UPK3BL2: variants seen among roughly 807,000 people sequenced by gnomAD.
UPK3BL2 encodes uroplakin 3B like 2, also known as uroplakin-3b-like protein 2.
Under a neutral mutation model 11.3 loss-of-function variants are expected in UPK3BL2, and 1 was observed. That is an observed-to-expected ratio of 0.09 (90% confidence interval 0.03 to 0.42). The LOEUF is 0.42. Ranked by LOEUF, UPK3BL2 falls within the 10% of genes least tolerant of loss-of-function variation. The probability of loss-of-function intolerance (pLI) is 0.98; values close to 1 mark genes in which losing one functional copy is unlikely to be tolerated.
intron 3 of UPK3BL2, among the ~76,000 whole-genome samples, chr7:102,540,855 CAAAAAAAAAA>C (rs1158192702): frequency 2.1e-3 from 129 of 61,290 alleles, no homozygotes; most frequent in Middle Eastern, 0.011. Context: ...AAAAACAAAA[CAAAAAAAAAA>C]AAAAAAAAAA....
chr7:102,540,877 G>T (rs4729824), intron 3 of UPK3BL2, among the ~76,000 whole-genome samples: 4 of 68,354 alleles, frequency 5.9e-5, no homozygotes, highest in South Asian at 5.6e-4. Flanking sequence ...AAAAAAAAAA[G>T]AAGAAAAGGA....
chr7:102,540,845 A>AAAAAT (rs1800221923), intron 3 of UPK3BL2, among the ~76,000 whole-genome samples: 1 of 127,320 alleles, frequency 7.9e-6, no homozygotes. Flanking sequence ...CTCCATCTCA[A>AAAAAT]AAAACAAAAC....
At chr7:102,538,577 G>C (rs1800156083) in intron 5 of UPK3BL2, 52 bp from the exon 6 acceptor site, 2 of 136,432 alleles carry the variant, frequency 1.5e-5, no homozygotes, top group African/African-American at 1.2e-4. Flanking sequence ...GAAAGGCTCT[G>C]GCCGAGATCC....
At chr7:102,540,855 CAAAA>C (rs1158192702) in intron 3 of UPK3BL2, among the ~76,000 whole-genome samples, 89 of 61,196 alleles carry the variant, frequency 1.5e-3, no homozygotes, top group South Asian at 9.2e-3. Context: ...AAAAACAAAA[CAAAA>C]AAAAAAAAAA....
At position 102,540,857 on chromosome 7, in the gene UPK3BL2, AAAAAAAAAAAAAAAAAAAAGAAGAAAAGG is replaced by A. The variant is rs1214109245; in HGVS notation, c.485+207_485+235del. Reference sequence around the variant, plus strand: ...AGACTCCATCTCAAAAAACAAAACAAAAAAAAAAAAAAAAAAAAAGAAGAAAAGGAAAAAAAAAAAAAAGAGAAGAAGGA... The same window carrying A: ...AGACTCCATCTCAAAAAACAAAACAAAAAAAAAAAAAAAAGAGAAGAAGGA... On this transcript the variant is annotated intron_variant, in intron 3 of 5. Transcript: ENST00000644544. 2.5e-3 allele frequency among the ~76,000 whole-genome samples: 234 copies of A among 92,070 alleles called. 2 individuals are homozygous for A. Among genetic ancestry groups the A allele is most frequent in the African/African-American group, 0.01 (204 of 20,294 alleles). The allele number at this position is 92,070 out of a possible 152,430, so 60.4% of individuals were successfully genotyped here.
intron 3 of UPK3BL2, among the ~76,000 whole-genome samples, chr7:102,540,875 A>G (rs867698668): frequency 2.8e-3 from 327 of 117,790 alleles, no homozygotes; most frequent in Middle Eastern, 9.4e-3. Flanking sequence ...AAAAAAAAAA[A>G]AGAAGAAAAG....
At chr7:102,540,880 G>GAAA (rs1434603502) in intron 3 of UPK3BL2, among the ~76,000 whole-genome samples, 24 of 65,848 alleles carry the variant, frequency 3.6e-4, no homozygotes, top group Middle Eastern at 7.9e-3. Context: ...AAAAAAAGAA[G>GAAA]AAAAGGAAAA....
At chr7:102,540,855 C>CAAAAAAAAAAAAAAAAAAAAAA (rs1158192702) in intron 3 of UPK3BL2, among the ~76,000 whole-genome samples, 9 of 61,266 alleles carry the variant, frequency 1.5e-4, no homozygotes, top group East Asian at 4.1e-4. Context: ...AAAAACAAAA[C>CAAAAAAAAAAAAAAAAAAAAAA]AAAAAAAAAA....
chr7:102,540,877 G>GGAAAAA (rs1800237326), intron 3 of UPK3BL2, among the ~76,000 whole-genome samples: 1 of 68,356 alleles, frequency 1.5e-5, no homozygotes, highest in Non-Finnish European at 3.1e-5. Flanking sequence ...AAAAAAAAAA[G>GGAAAAA]AAGAAAAGGA....
chr7:102,540,901 G>GA (rs1800244794), intron 3 of UPK3BL2, among the ~76,000 whole-genome samples, 192 bp downstream of exon 3: 12 of 61,800 alleles, frequency 1.9e-4, no homozygotes, highest in South Asian at 7.2e-4. Context: ...AAAAAAAAAA[G>GA]AGAAGAAGGA....
intron 3 of UPK3BL2, among the ~76,000 whole-genome samples, chr7:102,540,857 AAAAAAAAAAAAAAAAAAAAGAAG>A (rs1259777581): frequency 4.3e-5 from 4 of 92,276 alleles, no homozygotes; most frequent in African/African-American, 2.0e-4. Flanking sequence ...AAACAAAACA[AAAAAAAAAAAAAAAAAAAAGAAG>A]AAAAGGAAAA....
chr7:102,539,959 AC>A (rs1800181816), intron 4 of UPK3BL2, 55 bp downstream of exon 4: 4 of 1,070,706 alleles, frequency 3.7e-6, no homozygotes, highest in Non-Finnish European at 2.6e-6. Context: ...AGTCCTCAGG[AC>A]CCCCAGGCCC....
chr7:102,543,603 C>A, exon 1 of UPK3BL2: 1 of 78,058 alleles, frequency 1.3e-5, no homozygotes, highest in East Asian at 2.6e-4. Context: ...GCAGAGAGCC[C>A]TATGGCCGGG....
At chr7:102,540,783 G>A (rs1163186522) in intron 3 of UPK3BL2, among the ~76,000 whole-genome samples, 1 of 148,824 alleles carries the variant, frequency 6.7e-6, no homozygotes, top group Non-Finnish European at 1.5e-5. Context: ...GGCACAGGTT[G>A]CAGTGAGCCG....
intron 3 of UPK3BL2, among the ~76,000 whole-genome samples, chr7:102,540,855 C>CAAAAAAAAAA (rs1158192702): frequency 2.3e-3 from 140 of 61,274 alleles, no homozygotes; most frequent in African/African-American, 3.7e-3. Flanking sequence ...AAAAACAAAA[C>CAAAAAAAAAA]AAAAAAAAAA....
intron 3 of UPK3BL2, among the ~76,000 whole-genome samples, chr7:102,540,330 GA>G (rs1269840000): frequency 1.3e-5 from 1 of 79,948 alleles, no homozygotes; most frequent in Non-Finnish European, 2.9e-5. Context: ...GGGAAAGGTA[GA>G]GGGCGAGTAT....
intron 3 of UPK3BL2, among the ~76,000 whole-genome samples, chr7:102,540,855 CAAAAA>C (rs1158192702): frequency 9.7e-3 from 592 of 61,182 alleles, no homozygotes; most frequent in Admixed American, 0.033. Flanking sequence ...AAAAACAAAA[CAAAAA>C]AAAAAAAAAA....
downstream of UPK3BL2, chr7:102,538,176 A>G: frequency 1.1e-5 from 1 of 94,178 alleles, no homozygotes; most frequent in South Asian, 3.4e-4. Flanking sequence ...CTGTAGTCCC[A>G]GCTACTCAGG....
At chr7:102,540,859 A>AAAAC (rs1800229946) in intron 3 of UPK3BL2, among the ~76,000 whole-genome samples, 1 of 113,812 alleles carries the variant, frequency 8.8e-6, no homozygotes. Flanking sequence ...ACAAAACAAA[A>AAAAC]AAAAAAAAAA....
Sources: gnomAD v4.1 joint callset for allele counts (sites outside exome capture counted in the v4.1 genomes callset) on GRCh38, gnomAD v4.1.1 for gene constraint, MANE v1.5 for transcripts, NCBI Gene and HGNC (gene_info 2026-07-23, HGNC 2026-07-21) for gene names.